Variants in ANKRD31 observed in about 807,000 individuals in gnomAD.
ANKRD31 encodes the protein ankyrin repeat domain-containing protein 31.
ANKRD31 carries 147 observed loss-of-function variants against 186.0 expected under a neutral mutation model. That is an observed-to-expected ratio of 0.79 (90% CI 0.69 to 0.91). The LOEUF (loss-of-function observed/expected upper bound fraction) is 0.91, where lower values mean the gene tolerates loss of function less well. Among genes scored for constraint, ANKRD31 ranks in the 40% least tolerant of loss-of-function variants. ANKRD31 has a pLI of 0.00. For synonymous variants in ANKRD31, 673 were observed against 736.4 expected (o/e 0.91, Z 1.39); for missense variants, 1,986 against 2,148.8 (o/e 0.92, Z 1.50).
Position 75,188,600 on chromosome 5 carries a change from T to C in ANKRD31, c.1457A>G (p.Asn486Ser). 8 of 1,536,182 alleles carry C rather than the reference T, an allele frequency of 5.2e-6. No homozygotes were observed. Among genetic ancestry groups the C allele is most frequent in the Non-Finnish European group, 6.1e-6 (7 of 1,146,372 alleles). The change falls in exon 10 of 26, where the codon AAC (asparagine) becomes AGC (serine). Residue 486 changes from asparagine to serine, a missense_variant. Asn to Ser is a conservative substitution (Grantham distance 46). Transcript: ENST00000506364. Reference sequence around the variant, plus strand: ...ATATACTAAGTTCTCTCCAAAAATGTTTCTCCGGTTAATGCTATGAAGAGA... The same window carrying C: ...ATATACTAAGTTCTCTCCAAAAATGCTTCTCCGGTTAATGCTATGAAGAGA... Reference protein sequence around the residue: ...KISLHSINRRNIFGENLVYKA... With the variant: ...KISLHSINRRSIFGENLVYKA...
intron 1 of ANKRD31, among the ~76,000 whole-genome samples, chr5:75,230,943 AATG>A (rs1222779432): frequency 6.6e-6 from 1 of 152,188 alleles, no homozygotes; most frequent in African/African-American, 2.4e-5. Context: ...AAAGAGATAA[AATG>A]AGATCATTTG....
intron 11 of ANKRD31, among the ~76,000 whole-genome samples, chr5:75,158,753 C>T (rs1019570386): frequency 1.3e-5 from 2 of 152,106 alleles, no homozygotes; most frequent in Admixed American, 6.6e-5. Flanking sequence ...GATCACATCA[C>T]TGCACTCCAG....
rs114398275 is a variant in ANKRD31 at position 75,170,175 on chromosome 5, C to T, written c.1565-1054G>A. On this transcript the variant is annotated intron_variant, in intron 10 of 25. Coordinates refer to ENST00000506364, the MANE Select transcript of ANKRD31 (RefSeq NM_001372053.1). ...GATATATATGATAGCTATAGCACAA[C>T]GGATATGGGGGAATAAATGGACTAT... Among the ~76,000 whole-genome samples, 1,226 of 151,962 alleles carry T rather than the reference C, an allele frequency of 8.1e-3. 26 individuals are homozygous for T. The highest frequency in any genetic ancestry group is 0.027 in the African/African-American group (1,133 of 41,432).
chr5:75,178,024 A>G (rs1367224459), intron 10 of ANKRD31, among the ~76,000 whole-genome samples: 5 of 152,198 alleles, frequency 3.3e-5, no homozygotes, highest in African/African-American at 9.7e-5. Flanking sequence ...GCTCAAAATA[A>G]AGGGATGGAG....
intron 25 of ANKRD31, among the ~76,000 whole-genome samples, chr5:75,078,641 T>C (rs1328271737): frequency 2.0e-5 from 3 of 152,226 alleles, no homozygotes; most frequent in African/African-American, 7.2e-5. Flanking sequence ...GAAACATAAA[T>C]ATATAAAATT....
intron 10 of ANKRD31, among the ~76,000 whole-genome samples, chr5:75,180,130 A>G (rs934316535): frequency 2.6e-5 from 4 of 152,174 alleles, no homozygotes; most frequent in African/African-American, 9.7e-5. Flanking sequence ...ACTCCCATTC[A>G]AAATTGCTTC....
chr5:75,132,974 T>A (rs1749998377), intron 17 of ANKRD31, among the ~76,000 whole-genome samples: 1 of 152,204 alleles, frequency 6.6e-6, no homozygotes, highest in Non-Finnish European at 1.5e-5. Context: ...AGAGATTTTG[T>A]CACCATCAGG....
At chr5:75,188,705 A>G in intron 9 of ANKRD31, 57 bp from the exon 10 acceptor site, 2 of 1,403,544 alleles carry the variant, frequency 1.4e-6, no homozygotes, top group South Asian at 2.7e-5. Flanking sequence ...CAGAAGGAAT[A>G]CGGATTACAA....
intron 22 of ANKRD31, among the ~76,000 whole-genome samples, chr5:75,099,048 T>C (rs564956754): frequency 5.3e-5 from 8 of 152,316 alleles, no homozygotes; most frequent in African/African-American, 1.2e-4. Flanking sequence ...GCCCATTCAG[T>C]ATGATATTGG....
chr5:75,125,343 T>C (rs896262634), intron 17 of ANKRD31, among the ~76,000 whole-genome samples: 1 of 152,204 alleles, frequency 6.6e-6, no homozygotes, highest in African/African-American at 2.4e-5. Context: ...TATTTATCTG[T>C]TTTTAAAAGA....
chr5:75,081,299 G>T (rs557503948), intron 24 of ANKRD31, among the ~76,000 whole-genome samples: 4 of 151,738 alleles, frequency 2.6e-5, no homozygotes, highest in Middle Eastern at 3.4e-3. Context: ...ACAGAGCTTC[G>T]CTCTTGTCAC....
intron 22 of ANKRD31, among the ~76,000 whole-genome samples, chr5:75,097,533 G>C (rs1045429331): frequency 1.3e-5 from 2 of 152,160 alleles, no homozygotes; most frequent in Non-Finnish European, 1.5e-5. Flanking sequence ...ATTTGTTTAA[G>C]TTCTTTGTAG....
chr5:75,077,848 C>A (rs552054492), intron 25 of ANKRD31, among the ~76,000 whole-genome samples: 1 of 150,306 alleles, frequency 6.7e-6, no homozygotes, highest in Admixed American at 6.7e-5. Context: ...TGGCATGAAC[C>A]CGGGAGGCGG....
rs973448121 is a variant in ANKRD31, at chr5:75,236,810, G to A, written c.-124C>T. 1.7e-5 allele frequency: 14 copies of A among 836,270 alleles called. No individual in the cohort carries two copies. In the East Asian group the frequency reaches 4.1e-4, roughly 25 times the overall value. The allele number at this position is 836,270 out of a possible 1,614,324, so 51.8% of individuals were successfully genotyped here. On this transcript the variant is annotated 5_prime_UTR_variant, in exon 1 of 26. Transcript: ENST00000506364. ...AATAAAAATAATATAATCGCAGCAGGAGCCGGGACTTGTCGCAGGGCTGCT... is the reference window on the plus strand; with the variant it reads ...AATAAAAATAATATAATCGCAGCAGAAGCCGGGACTTGTCGCAGGGCTGCT...
rs373411372 is a variant in ANKRD31 at position 75,157,310 on chromosome 5, A to G, written c.1708-2965T>C. 1.4e-4 allele frequency among the ~76,000 whole-genome samples: 22 copies of G among 152,338 alleles called. No individual in the cohort carries two copies. In the South Asian group the frequency reaches 4.6e-3, roughly 32 times the overall value. On this transcript the variant is annotated intron_variant, in intron 11 of 25. Transcript: ENST00000506364. ...AGATTTGTCCTGCAAGTTGTGTGAAAGCAGAACTTATAAATGCTAAACTTA... is the reference window on the plus strand; with the variant it reads ...AGATTTGTCCTGCAAGTTGTGTGAAGGCAGAACTTATAAATGCTAAACTTA...
chr5:75,129,632 C>A (rs928818954), intron 17 of ANKRD31, among the ~76,000 whole-genome samples: 6 of 152,132 alleles, frequency 3.9e-5, no homozygotes, highest in African/African-American at 1.4e-4. Flanking sequence ...GTTTCCTTAA[C>A]TATTTTTTCA....
At chr5:75,215,983 T>C (rs899834725) in intron 3 of ANKRD31, among the ~76,000 whole-genome samples, 1 of 152,098 alleles carries the variant, frequency 6.6e-6, no homozygotes. Context: ...TTAATTAAAA[T>C]TTGCTACAGA....
chr5:75,074,270 G>T (rs563421363), intron 25 of ANKRD31, among the ~76,000 whole-genome samples: 1 of 152,198 alleles, frequency 6.6e-6, no homozygotes, highest in East Asian at 1.9e-4. Flanking sequence ...TGATAAGAAT[G>T]GAAGAAAAAG....
chr5:75,079,305 C>T (rs1387435008), intron 25 of ANKRD31, among the ~76,000 whole-genome samples: 6 of 152,136 alleles, frequency 3.9e-5, no homozygotes, highest in African/African-American at 1.4e-4. Flanking sequence ...GAGGCTTCTG[C>T]TATTTGTTCT....
Sources: allele counts gnomAD v4.1 joint callset (sites outside exome capture counted in the v4.1 genomes callset), GRCh38; gene constraint gnomAD v4.1.1; transcripts MANE v1.5; gene names NCBI Gene and HGNC (gene_info 2026-07-23, HGNC 2026-07-21).